Variants in EHHADH observed in about 807,000 individuals in gnomAD.
EHHADH encodes the protein enoyl-CoA hydratase and 3-hydroxyacyl CoA dehydrogenase.
A neutral mutation model predicts 64.4 loss-of-function variants in EHHADH; 48 were observed. That is an observed-to-expected ratio of 0.75 (90% CI 0.59 to 0.95). The LOEUF is 0.95. Among genes scored for constraint, EHHADH ranks in the 40% least tolerant of loss-of-function variants. EHHADH has a pLI of 0.00. For synonymous variants in EHHADH, 308 were observed against 326.7 expected (o/e 0.94, Z 0.62); for missense variants, 854 against 876.6 (o/e 0.97, Z 0.33).
At chr3:185,196,523 C>T (rs898451472) in intron 6 of EHHADH, among the ~76,000 whole-genome samples, 8 of 151,966 alleles carry the variant, frequency 5.3e-5, no homozygotes, top group African/African-American at 1.9e-4. Flanking sequence ...ACCTGTAATC[C>T]CAGCTACTTG....
intron 2 of EHHADH, among the ~76,000 whole-genome samples, chr3:185,242,785 C>A (rs1719492609): frequency 6.6e-6 from 1 of 152,202 alleles, no homozygotes; most frequent in Non-Finnish European, 1.5e-5. Context: ...TTGCCCCAGG[C>A]TACCCACCTC....
intron 5 of EHHADH, among the ~76,000 whole-genome samples, chr3:185,208,474 G>T (rs1718455460): frequency 6.6e-6 from 1 of 152,162 alleles, no homozygotes; most frequent in Admixed American, 6.5e-5. Flanking sequence ...GGGGTCATTT[G>T]TTATGCAGTT....
chr3:185,218,346 T>C, intron 4 of EHHADH, 106 bp from the exon 5 acceptor site: 1 of 647,982 alleles, frequency 1.5e-6, no homozygotes, highest in Non-Finnish European at 2.5e-6. Flanking sequence ...TGGATATAAA[T>C]ATCTATTATT....
chr3:185,251,608 A>ATGTGTG (rs3072431), intron 1 of EHHADH, among the ~76,000 whole-genome samples: 34 of 149,310 alleles, frequency 2.3e-4, no homozygotes, highest in Admixed American at 5.3e-4. Flanking sequence ...AAAAATTTAT[A>ATGTGTG]TGTGTGTGTG....
At chr3:185,219,372 G>T (rs1035097504) in intron 4 of EHHADH, among the ~76,000 whole-genome samples, 3 of 152,186 alleles carry the variant, frequency 2.0e-5, no homozygotes, top group Non-Finnish European at 4.4e-5. Flanking sequence ...TTTTAGCTTG[G>T]AGTTAGTGAC....
chr3:185,241,961 A>G (rs549261989), intron 2 of EHHADH, among the ~76,000 whole-genome samples: 1 of 152,188 alleles, frequency 6.6e-6, no homozygotes, highest in South Asian at 2.1e-4. Context: ...ATCCATCTTG[A>G]GTTATTTTTG....
intron 2 of EHHADH, chr3:185,246,045 C>G: frequency 7.7e-7 from 1 of 1,294,486 alleles, no homozygotes. Flanking sequence ...TCATCCTCAT[C>G]TGGGAACTTG....
Position 185,192,558 on chromosome 3 carries a change from T to C in EHHADH, c.1840A>G (p.Ile614Val). ...RKTHHIEPRT[I>V]SQDEILERCL... ...CGTTCAAGGATCTCATCCTGGCTAA[T>C]GGTACGTGGTTCAATGTGATGGGTT... The change falls in exon 7 of 7, where the codon ATT becomes GTT. Residue 614 changes from isoleucine to valine, a missense_variant. Coordinates refer to ENST00000231887, the MANE Select transcript of EHHADH (RefSeq NM_001966.4). 1.9e-6 allele frequency: 3 copies of C among 1,614,224 alleles called. No homozygotes were observed. The highest frequency in any genetic ancestry group is 2.2e-5 in the South Asian group (2 of 91,086).
At chr3:185,245,492 T>A in intron 2 of EHHADH, 1 of 1,050,540 alleles carries the variant, frequency 9.5e-7, no homozygotes, top group Non-Finnish European at 1.4e-6. Flanking sequence ...TGTGCTCGCT[T>A]GCCCATGACA....
At chr3:185,217,541 G>A (rs1478980041) in intron 5 of EHHADH, among the ~76,000 whole-genome samples, 2 of 66,996 alleles carry the variant, frequency 3.0e-5, no homozygotes, top group African/African-American at 5.5e-5. Context: ...GCGGGACTCT[G>A]TCTCAGAAAA....
chr3:185,217,690 A>C (rs944519043), intron 5 of EHHADH, among the ~76,000 whole-genome samples: 14 of 151,946 alleles, frequency 9.2e-5, no homozygotes, highest in African/African-American at 3.4e-4. Flanking sequence ...TGCTGGTACC[A>C]TGCTTGTACA....
chr3:185,190,904 T>C lies in EHHADH; in HGVS notation c.*1322A>G, dbSNP rs1717845185. The C allele has an allele frequency of 6.6e-6, 1 of 152,218 alleles. No homozygotes were observed. Among genetic ancestry groups the C allele is most frequent in the Non-Finnish European group, 1.5e-5 (1 of 68,036 alleles). 9.4% of individuals were successfully genotyped at this position (152,218 alleles called of 1,614,324 possible). A position where few individuals can be genotyped will look rare whatever the true frequency, so the allele number is the denominator to read the frequency against. ...ATGAAGGATAACATCTTCAGCCCCA[T>C]TTATTTACTAACAACTTTATTGAGA... On this transcript the variant is annotated 3_prime_UTR_variant, in exon 7 of 7. Transcript: ENST00000231887.
chr3:185,248,793 G>A (rs1719665785), intron 1 of EHHADH, among the ~76,000 whole-genome samples: 1 of 152,054 alleles, frequency 6.6e-6, no homozygotes, highest in African/African-American at 2.4e-5. Context: ...CTTTCACTTT[G>A]ACCGCTTAAA....
intron 5 of EHHADH, among the ~76,000 whole-genome samples, chr3:185,214,112 A>G (rs1577361685): frequency 6.6e-6 from 1 of 152,316 alleles, no homozygotes; most frequent in East Asian, 1.9e-4. Flanking sequence ...ATTACAAAGC[A>G]GCACCAAGAA....
At chr3:185,249,736 G>C (rs1204388496) in intron 1 of EHHADH, among the ~76,000 whole-genome samples, 1 of 151,600 alleles carries the variant, frequency 6.6e-6, no homozygotes, top group African/African-American at 2.4e-5. Flanking sequence ...AAATTACCCA[G>C]TCTCGGATAT....
chr3:185,236,144 T>C (rs1370569544), intron 2 of EHHADH, among the ~76,000 whole-genome samples: 1 of 152,190 alleles, frequency 6.6e-6, no homozygotes, highest in South Asian at 2.1e-4. Context: ...ATAGCCATAA[T>C]TTAATATTTT....
intron 5 of EHHADH, among the ~76,000 whole-genome samples, chr3:185,209,787 T>C (rs1044949483): frequency 1.3e-5 from 2 of 152,246 alleles, no homozygotes; most frequent in Non-Finnish European, 2.9e-5. Context: ...TCTGAATTAA[T>C]GATTTCCCAT....
At chr3:185,215,112 A>AT (rs914201276) in intron 5 of EHHADH, among the ~76,000 whole-genome samples, 1 of 152,062 alleles carries the variant, frequency 6.6e-6, no homozygotes, top group African/African-American at 2.4e-5. Context: ...TAAATCACTG[A>AT]TTTTTTTATT....
chr3:185,214,153 T>C (rs768157943), intron 5 of EHHADH, among the ~76,000 whole-genome samples: 3 of 152,064 alleles, frequency 2.0e-5, no homozygotes, highest in Admixed American at 1.3e-4. Context: ...GGAACTCATT[T>C]AAAAAAGAAA....
Sources: allele counts gnomAD v4.1 joint callset (sites outside exome capture counted in the v4.1 genomes callset), GRCh38; gene constraint gnomAD v4.1.1; transcripts MANE v1.5; gene names NCBI Gene and HGNC (gene_info 2026-07-23, HGNC 2026-07-21).